The following RGS6 variants were observed in gnomAD, a reference collection of about 807,000 sequenced individuals.
RGS6 encodes regulator of G protein signaling 6, also known as regulator of G-protein signaling 6.
Under a neutral mutation model 78.5 loss-of-function variants are expected in RGS6, and 30 were observed. The observed-to-expected ratio is 0.38, with a 90% CI of 0.29 to 0.52. RGS6 has a LOEUF of 0.52. Ranked by LOEUF, RGS6 falls within the 20% of genes least tolerant of loss-of-function variation. The probability of loss-of-function intolerance (pLI) is 0.85; values close to 1 mark genes in which losing one functional copy is unlikely to be tolerated. For missense variants in RGS6, 495 were observed against 609.7 expected (o/e 0.81, Z 1.98); for synonymous variants, 206 against 206.0 (o/e 1.00, Z 0.00).
chr14:72,402,104 ACTGT>A (rs913286446), intron 3 of RGS6, among the ~76,000 whole-genome samples: 1 of 152,188 alleles, frequency 6.6e-6, no homozygotes, highest in African/African-American at 2.4e-5. Flanking sequence ...GAGCTGACCC[ACTGT>A]CTGCTCCACG....
chr14:72,166,928 T>C (rs1343507473), intron 2 of RGS6, among the ~76,000 whole-genome samples: 5 of 152,256 alleles, frequency 3.3e-5, no homozygotes, highest in Admixed American at 1.3e-4. Flanking sequence ...CTCTCACTTG[T>C]TCACCAAATC....
intron 2 of RGS6, among the ~76,000 whole-genome samples, chr14:72,074,868 C>T (rs888194570): frequency 6.6e-6 from 1 of 152,132 alleles, no homozygotes; most frequent in Non-Finnish European, 1.5e-5. Flanking sequence ...TTCAGAGAAA[C>T]TTTATTCTCA....
chr14:72,039,756 A>G (rs567056605), intron 2 of RGS6, among the ~76,000 whole-genome samples: 58 of 140,922 alleles, frequency 4.1e-4, no homozygotes, highest in African/African-American at 1.5e-3. Context: ...TGTTGTATCT[A>G]TCTATTCCTC....
At chr14:72,541,315 G>A (rs1205988117) in intron 17 of RGS6, 1 of 863,728 alleles carries the variant, frequency 1.2e-6, no homozygotes, top group African/African-American at 1.8e-5. Flanking sequence ...ACGTGTCGTA[G>A]CTAGATGCAT....
intron 1 of RGS6, among the ~76,000 whole-genome samples, chr14:71,956,652 G>A (rs1046910734): frequency 6.6e-6 from 1 of 152,118 alleles, no homozygotes; most frequent in Non-Finnish European, 1.5e-5. Context: ...TGATTAGATT[G>A]TGCCCACCAG....
the RGS6 span, among the ~76,000 whole-genome samples, chr14:72,573,830 T>C: frequency 6.6e-6 from 1 of 152,142 alleles, no homozygotes; most frequent in African/African-American, 2.4e-5. Context: ...TTAAGAAAGC[T>C]GCATATACAC....
intron 2 of RGS6, among the ~76,000 whole-genome samples, chr14:72,046,401 A>G (rs2092839397): frequency 6.6e-6 from 1 of 152,170 alleles, no homozygotes; most frequent in African/African-American, 2.4e-5. Flanking sequence ...CTAATTATAC[A>G]ACATCTACAT....
chr14:72,079,625 C>T (rs971877172), intron 2 of RGS6, among the ~76,000 whole-genome samples: 5 of 152,090 alleles, frequency 3.3e-5, no homozygotes, highest in South Asian at 4.1e-4. Context: ...TGGTGTATAA[C>T]GGATCTTTTA....
chr14:72,486,173 C>T (rs1291447219), intron 12 of RGS6, among the ~76,000 whole-genome samples: 1 of 152,188 alleles, frequency 6.6e-6, no homozygotes, highest in East Asian at 1.9e-4. Context: ...TCCCCTTCCC[C>T]CATGATTGTA....
the RGS6 span, among the ~76,000 whole-genome samples, chr14:72,614,167 C>G: frequency 6.6e-6 from 1 of 152,302 alleles, no homozygotes; most frequent in Admixed American, 6.5e-5. Flanking sequence ...ACTCCCAAAC[C>G]CTGGGAATGC....
At chr14:72,226,646 T>C (rs2048177649) in intron 2 of RGS6, among the ~76,000 whole-genome samples, 1 of 152,222 alleles carries the variant, frequency 6.6e-6, no homozygotes, top group Non-Finnish European at 1.5e-5. Context: ...CCACATATCC[T>C]GAATCGGAAT....
At chr14:72,148,799 T>C (rs1431435544) in intron 2 of RGS6, among the ~76,000 whole-genome samples, 2 of 152,190 alleles carry the variant, frequency 1.3e-5, no homozygotes, top group Non-Finnish European at 2.9e-5. Flanking sequence ...TTTGGACAGG[T>C]TGAATTCAAA....
chr14:72,269,998 A>T (rs1264230707), intron 2 of RGS6, among the ~76,000 whole-genome samples: 1 of 152,168 alleles, frequency 6.6e-6, no homozygotes, highest in Non-Finnish European at 1.5e-5. Context: ...TGAAGGGGGG[A>T]TACAACAAAA....
At chr14:72,312,866 C>G (rs2069001847) in intron 2 of RGS6, among the ~76,000 whole-genome samples, 1 of 152,184 alleles carries the variant, frequency 6.6e-6, no homozygotes. Flanking sequence ...GCAAAGGGGT[C>G]TAAATAGCCC....
chr14:72,425,601 A>C (rs2094401135), intron 3 of RGS6, among the ~76,000 whole-genome samples: 1 of 152,240 alleles, frequency 6.6e-6, no homozygotes, highest in Admixed American at 6.5e-5. Context: ...ATAAAAACAT[A>C]GTTATTTTCC....
intron 2 of RGS6, among the ~76,000 whole-genome samples, chr14:72,118,831 G>A (rs2095974181): frequency 6.6e-6 from 1 of 152,168 alleles, no homozygotes; most frequent in Non-Finnish European, 1.5e-5. Flanking sequence ...TAAAATGCTA[G>A]AAAAATAGGA....
At chr14:72,201,749 C>T (rs185299982) in intron 2 of RGS6, among the ~76,000 whole-genome samples, 1 of 152,270 alleles carries the variant, frequency 6.6e-6, no homozygotes, top group Admixed American at 6.5e-5. Context: ...CACCTGCCAC[C>T]TGTTTCTATA....
chr14:72,257,124 A>G (rs1279008540), intron 2 of RGS6, among the ~76,000 whole-genome samples: 1 of 152,182 alleles, frequency 6.6e-6, no homozygotes, highest in Non-Finnish European at 1.5e-5. Context: ...TGTTCTAGGG[A>G]TTTAATATCC....
chr14:72,254,224 C>T (rs111227785), intron 2 of RGS6, among the ~76,000 whole-genome samples: 1 of 152,168 alleles, frequency 6.6e-6, no homozygotes, highest in Non-Finnish European at 1.5e-5. Context: ...GATTCACAAG[C>T]CTGGCCTTTG....
Sources: allele counts gnomAD v4.1 joint callset (sites outside exome capture counted in the v4.1 genomes callset), GRCh38; gene constraint gnomAD v4.1.1; transcripts MANE v1.5; gene names NCBI Gene and HGNC (gene_info 2026-07-23, HGNC 2026-07-21).